Variants in RAB37 observed in about 807,000 individuals in gnomAD.
The protein encoded by RAB37 is ras-related protein Rab-37.
A neutral mutation model predicts 33.1 loss-of-function variants in RAB37; 29 were observed. The ratio of observed to expected loss-of-function variants is 0.88; its 90% CI spans 0.65 to 1.20. The LOEUF (loss-of-function observed/expected upper bound fraction) is 1.20, where lower values mean the gene tolerates loss of function less well. Ranked by LOEUF, RAB37 falls within the 50% of genes most tolerant of loss-of-function variation. The probability of loss-of-function intolerance (pLI) is 0.00; values close to 1 mark genes in which losing one functional copy is unlikely to be tolerated. For synonymous variants in RAB37, 128 were observed against 119.5 expected (o/e 1.07, Z -0.47); for missense variants, 299 against 301.1 (o/e 0.99, Z 0.05).
chr17:74,686,612 T>C (rs12941271), intron 1 of RAB37, among the ~76,000 whole-genome samples: 2,554 of 152,260 alleles, frequency 0.017, 58 homozygotes, highest in Admixed American at 0.062. Context: ...CAGGCTGGTC[T>C]CTAACTCCTG....
chr17:74,675,337 AG>A (rs2031805599), intron 1 of RAB37, among the ~76,000 whole-genome samples: 1 of 151,974 alleles, frequency 6.6e-6, no homozygotes, highest in Non-Finnish European at 1.5e-5. Context: ...CAGGAGGCTG[AG>A]GCAGGAGAAT....
At chr17:74,714,540 G>C (rs760377156) in intron 1 of RAB37, among the ~76,000 whole-genome samples, 35 of 152,066 alleles carry the variant, frequency 2.3e-4, no homozygotes, top group Non-Finnish European at 4.1e-4. Flanking sequence ...TCCTACTGCT[G>C]TACCCCAGCC....
At position 74,693,746 on chromosome 17, in the gene RAB37, A is replaced by G. The variant is rs1017036358; in HGVS notation, c.72+22088A>G. On this transcript the variant is annotated intron_variant, in intron 1 of 7. Transcript: ENST00000340415. ...GAGTTCGAGACCAGCCTGGCCAACA[A>G]GGTAAAATCCCATCTCTACTAAAAA... 3.9e-5 allele frequency among the ~76,000 whole-genome samples: 6 copies of G among 151,984 alleles called. 1 individual carries two copies. The South Asian group carries it at 6.2e-4, about 16-fold the overall frequency.
chr17:74,703,038 T>C (rs2143740682), intron 1 of RAB37: 1 of 1,613,258 alleles, frequency 6.2e-7, no homozygotes, highest in East Asian at 2.2e-5. Context: ...GGCTTACCTG[T>C]TGTCCAAGTG....
At chr17:74,673,434 T>C (rs1568051492) in intron 1 of RAB37, among the ~76,000 whole-genome samples, 1 of 149,786 alleles carries the variant, frequency 6.7e-6, no homozygotes. Context: ...AAAAAGTTTA[T>C]GCAAGCAGAG....
intron 1 of RAB37, among the ~76,000 whole-genome samples, chr17:74,726,610 C>A (rs1160129825): frequency 1.3e-5 from 2 of 152,162 alleles, no homozygotes; most frequent in African/African-American, 4.8e-5. Context: ...CAAATGAGTT[C>A]TCTAACCAGG....
In RAB37 at chr17:74,729,703, C is replaced by A. The variant is rs1034355454; in HGVS notation, c.183+337C>A. On this transcript the variant is annotated intron_variant, in intron 2 of 7. Transcript: ENST00000340415. The surrounding 1 kb of genome is among the most constrained non-coding windows in gnomAD (Gnocchi z 4.2). ...GGGACACAGCAGCCCATGGGAGCCC[C>A]CCAGGGAGGCAGCCAGGAGAACAAT... is the stretch of plus-strand genomic sequence containing the variant. 5.3e-5 allele frequency among the ~76,000 whole-genome samples: 8 copies of A among 152,220 alleles called. No homozygotes were observed. The highest frequency in any genetic ancestry group is 1.9e-4 in the African/African-American group (8 of 41,560).
rs188253350 is a variant in RAB37, at chr17:74,719,369, G to A, written c.73-9887G>A. On this transcript the variant is annotated intron_variant, in intron 1 of 7. Coordinates refer to the RAB37 transcript ENST00000340415. ...GGAGGCTGAAGTGGGAGGATCACCC[G>A]AGCCCAGAGAGGTCGAGGCTGCAGT... Among the ~76,000 whole-genome samples, 14 of 152,216 alleles carry A rather than the reference G, an allele frequency of 9.2e-5. No homozygotes were observed. The East Asian group carries it at 2.1e-3, about 23-fold the overall frequency.
Position 74,744,241 on chromosome 17 carries a change from A to G in RAB37, c.367-67A>G. On this transcript the variant is annotated intron_variant, in intron 5 of 8. Coordinates refer to ENST00000392613, the MANE Select transcript of RAB37 (RefSeq NM_001006638.3). This position sits in a 1 kb window ranked among gnomAD's most constrained non-coding sequence, Gnocchi z 4.2. The stretch of plus-strand genomic sequence containing the variant: ...GTAGTGAGTAACTGAGGATAGTCAA[A>G]CGGAGCAGAAGAAGAAAGGGGCAGC... The G allele has an allele frequency of 6.8e-7, 1 of 1,466,142 alleles. No homozygotes were observed. Among genetic ancestry groups the G allele is most frequent in the Non-Finnish European group, 9.4e-7 (1 of 1,059,730 alleles). 90.8% of individuals were successfully genotyped at this position (1,466,142 alleles called of 1,614,324 possible).
intron 1 of RAB37, chr17:74,694,959 G>A (rs2032284607): frequency 3.0e-6 from 3 of 1,000,708 alleles, no homozygotes; most frequent in Non-Finnish European, 4.4e-6. Flanking sequence ...CCAACCCAGA[G>A]CTAGGGGCAA....
chr17:74,686,375 G>A (rs1020827358), intron 1 of RAB37, among the ~76,000 whole-genome samples: 4 of 151,700 alleles, frequency 2.6e-5, no homozygotes, highest in Admixed American at 2.6e-4. Context: ...TTACAGACGT[G>A]AGCCACCAAG....
intron 1 of RAB37, among the ~76,000 whole-genome samples, chr17:74,722,155 C>T (rs962760411): frequency 6.6e-6 from 1 of 151,828 alleles, no homozygotes; most frequent in African/African-American, 2.4e-5. Flanking sequence ...TGGTGGCGGG[C>T]GCCTGTAGTC....
At chr17:74,687,778 C>T (rs1484536001) in intron 1 of RAB37, among the ~76,000 whole-genome samples, 4 of 152,156 alleles carry the variant, frequency 2.6e-5, no homozygotes, top group Non-Finnish European at 5.9e-5. Flanking sequence ...TGTGATGGAG[C>T]GGGTCCATGC....
chr17:74,672,140 T>G (rs1024249375), intron 1 of RAB37, among the ~76,000 whole-genome samples: 2 of 152,182 alleles, frequency 1.3e-5, no homozygotes, highest in African/African-American at 2.4e-5. Flanking sequence ...CCTCCAGCCA[T>G]GATTCCCTCA....
In RAB37 at chr17:74,745,529, C is replaced by T. The variant is rs1480280625; in HGVS notation, c.*118C>T. ...GGAGAAAGATGGAGGACTCACTGCA[C>T]AGCCGCTTCCTAGCAGGGAGCTATA... On this transcript the variant is annotated 3_prime_UTR_variant, in exon 9 of 9. Transcript: ENST00000392613. This position sits in a 1 kb window ranked among gnomAD's most constrained non-coding sequence, Gnocchi z 4.5. 1 of 765,874 alleles carries T rather than the reference C, an allele frequency of 1.3e-6. No individual in the cohort carries two copies. The highest frequency in any genetic ancestry group is 2.2e-6 in the Non-Finnish European group (1 of 453,282). The allele number at this position is 765,874 out of a possible 1,614,324, so 47.4% of individuals were successfully genotyped here. A position where few individuals can be genotyped will look rare whatever the true frequency, so the allele number is the denominator to read the frequency against.
At chr17:74,692,335 T>A (rs1273249798) in intron 1 of RAB37, among the ~76,000 whole-genome samples, 2 of 152,126 alleles carry the variant, frequency 1.3e-5, no homozygotes, top group Non-Finnish European at 2.9e-5. Flanking sequence ...AGCTCAAGAA[T>A]AGTCAAGCTT....
intron 1 of RAB37, among the ~76,000 whole-genome samples, chr17:74,701,415 A>G (rs1438767704): frequency 1.3e-5 from 2 of 152,236 alleles, no homozygotes; most frequent in African/African-American, 4.8e-5. Context: ...TCTCATGCTA[A>G]TCAAAGGCCC....
rs1456775973 is a variant in RAB37, at chr17:74,730,829, C to T, written c.183+1463C>T. Among the ~76,000 whole-genome samples the T allele has an allele frequency of 6.6e-6, 1 of 152,252 alleles. No homozygotes were observed. Among genetic ancestry groups the T allele is most frequent in the African/African-American group, 2.4e-5 (1 of 41,470 alleles). ...CATGCAAAGTCTGACTCACGTTCCA[C>T]AGACCACAGAGGTGAGATCTCCAAA... On this transcript the variant is annotated intron_variant, in intron 2 of 7. Transcript: ENST00000340415. The surrounding 1 kb of genome is among the most constrained non-coding windows in gnomAD (Gnocchi z 4.4).
chr17:74,725,363 C>A (rs1318460351), intron 1 of RAB37, among the ~76,000 whole-genome samples: 1 of 152,162 alleles, frequency 6.6e-6, no homozygotes, highest in African/African-American at 2.4e-5. Context: ...ACAGCCCCTG[C>A]AAATCGTCAC....
Sources: allele counts gnomAD v4.1 joint callset (sites outside exome capture counted in the v4.1 genomes callset), GRCh38; gene constraint gnomAD v4.1.1; non-coding constraint Gnocchi (gnomAD v3.1); transcripts MANE v1.5; gene names NCBI Gene and HGNC (gene_info 2026-07-23, HGNC 2026-07-21).